Variants in MGAM2 observed in about 807,000 individuals in gnomAD.
The protein encoded by MGAM2 is maltase-glucoamylase 2 (putative).
A neutral mutation model predicts 96.1 loss-of-function variants in MGAM2; 98 were observed. That is an observed-to-expected ratio of 1.02 (90% CI 0.87 to 1.21). The LOEUF is 1.21. MGAM2 is among the 50% of genes most tolerant of loss of function. The probability of loss-of-function intolerance (pLI) is 0.00; values close to 1 mark genes in which losing one functional copy is unlikely to be tolerated. For missense variants in MGAM2, 2,055 were observed against 1,182.4 expected, an observed-to-expected ratio of 1.74 and a Z score of -10.82; for synonymous variants, 749 against 414.8, an observed-to-expected ratio of 1.81 and a Z score of -9.79.
At chr7:142,196,423 G>A (rs776231051) in intron 38 of MGAM2, 136 bp downstream of exon 38, 18 of 655,014 alleles carry the variant, frequency 2.7e-5, no homozygotes, top group Admixed American at 1.9e-4. Context: ...CTCTCTGGGC[G>A]TGGATTTTAA....
chr7:142,222,160 T>C lies in MGAM2; in HGVS notation c.*101T>C, dbSNP rs1317170994. 5 of 396,272 alleles carry C rather than the reference T, an allele frequency of 1.3e-5. No homozygotes were observed. In the East Asian group the frequency reaches 1.8e-4, roughly 14 times the overall value. The allele number at this position is 396,272 out of a possible 1,614,324, so 24.5% of individuals were successfully genotyped here. A position where few individuals can be genotyped will look rare whatever the true frequency, so the allele number is the denominator to read the frequency against. On this transcript the variant is annotated 3_prime_UTR_variant, in exon 48 of 48. Transcript: ENST00000477922. The stretch of plus-strand genomic sequence containing the variant: ...AGACACTCTATCTATCTTATGCTAC[T>C]TAAGTTTTCACGGATATTAGTACTC...
At position 142,120,317 on chromosome 7, in the gene MGAM2, C is replaced by T. The variant is rs1423508969; in HGVS notation, c.122C>T (p.Pro41Leu). The change falls in exon 3 of 48, where the codon CCA becomes CTA. Residue 41 changes from proline to leucine, a missense_variant. Transcript: ENST00000477922. ...TCCTATGCAGATACTTCATTTACTC[C>T]AGAGTGCCCAGAGATTCCCCAGTCG... Reference protein sequence around the residue: ...LEETSDTSFTPECPEIPQSER... With the variant: ...LEETSDTSFTLECPEIPQSER... The T allele has an allele frequency of 2.8e-6, 2 of 702,928 alleles. No individual in the cohort carries two copies. The highest frequency in any genetic ancestry group is 1.7e-5 in the African/African-American group (1 of 57,210). 43.5% of individuals were successfully genotyped at this position (702,928 alleles called of 1,614,324 possible).
At chr7:142,167,543 T>G in intron 26 of MGAM2, 57 bp downstream of exon 26, 2 of 698,558 alleles carry the variant, frequency 2.9e-6, no homozygotes, top group South Asian at 3.0e-5. Flanking sequence ...TTTACAGTGC[T>G]GTATGGATAG....
chr7:142,168,769 A>C (rs531753369), intron 26 of MGAM2, among the ~76,000 whole-genome samples: 1 of 152,212 alleles, frequency 6.6e-6, no homozygotes, highest in African/African-American at 2.4e-5. Flanking sequence ...ATTTTAACCA[A>C]TGCGCTAAAA....
chr7:142,143,686 G>A (rs867022757), intron 12 of MGAM2, 83 bp from the exon 13 acceptor site: 1 of 463,572 alleles, frequency 2.2e-6, no homozygotes, highest in Non-Finnish European at 3.9e-6. Context: ...GCAAAATGAG[G>A]CTCCTAGTAG....
Position 142,154,187 on chromosome 7 carries a change from A to G in MGAM2, c.1804A>G (p.Met602Val). 1 of 611,566 alleles carries G rather than the reference A, an allele frequency of 1.6e-6. No individual in the cohort carries two copies. Among genetic ancestry groups the G allele is most frequent in the South Asian group, 1.8e-5 (1 of 54,188 alleles). 37.9% of individuals were successfully genotyped at this position (611,566 alleles called of 1,614,324 possible). A position where few individuals can be genotyped will look rare whatever the true frequency, so the allele number is the denominator to read the frequency against. The change falls in exon 16 of 48, where the codon ATG (methionine) becomes GTG (valine). Residue 602 changes from methionine (M) to valine (V), a missense_variant and splice_region_variant. Coordinates refer to ENST00000477922, the MANE Select transcript of MGAM2 (RefSeq NM_001293626.2). ...ILEFNLFGIP[M>V]VGANICGYNN... is the part of the protein sequence containing the mutation. ...TGAGTTCAACCTGTTTGGCATCCCC[A>G]TGGTGAGCCTTATTTCCAACCAGGG... is the stretch of plus-strand genomic sequence containing the variant.
chr7:142,141,053 GC>G lies in MGAM2; in HGVS notation c.1254del (p.Tyr419IlefsTer6). The G allele has an allele frequency of 1.4e-6, 1 of 701,668 alleles. No homozygotes were observed. The highest frequency in any genetic ancestry group is 2.6e-6 in the Non-Finnish European group (1 of 384,460). 43.5% of individuals were successfully genotyped at this position (701,668 alleles called of 1,614,324 possible). ...GCATCTCCAAAAACTCTAACTACGA[GC>G]CCTATAATAATGGAAGCCTAAAGAG... Reference protein sequence around the residue: ...PGISKNSNYEPYNNGSLKRVW... With the variant: ...PGISKNSNYEXYNNGSLKRVW... On this transcript the variant is annotated frameshift_variant, in exon 12 of 48. Transcript: ENST00000477922. LOFTEE classifies it high-confidence loss of function.
intron 3 of MGAM2, among the ~76,000 whole-genome samples, chr7:142,123,963 C>CTTTTTTT (rs960655956): frequency 3.1e-5 from 3 of 98,114 alleles, no homozygotes; most frequent in African/African-American, 1.1e-4. Context: ...AGTCCAGAAA[C>CTTTTTTT]TTTTTTTTTT....
At chr7:142,136,087 C>T (rs1795052891) in intron 7 of MGAM2, among the ~76,000 whole-genome samples, 1 of 152,112 alleles carries the variant, frequency 6.6e-6, no homozygotes, top group Non-Finnish European at 1.5e-5. Flanking sequence ...CGTCATAATC[C>T]AGTTCTATAG....
intron 3 of MGAM2, among the ~76,000 whole-genome samples, chr7:142,120,920 A>G (rs1794550694): frequency 2.6e-5 from 4 of 152,234 alleles, no homozygotes; most frequent in Admixed American, 2.6e-4. Flanking sequence ...AGTAGCTTCC[A>G]TAAAATATCA....
chr7:142,164,130 T>G (rs1795964052), intron 23 of MGAM2, among the ~76,000 whole-genome samples: 1 of 152,194 alleles, frequency 6.6e-6, no homozygotes, highest in African/African-American at 2.4e-5. Context: ...CCCCAGCACC[T>G]TTGTTGAAAA....
intron 15 of MGAM2, among the ~76,000 whole-genome samples, 173 bp from the exon 16 acceptor site, chr7:142,153,826 TATGAGATCTGAAATCTTAC>T (rs1795654322): frequency 6.6e-6 from 1 of 152,254 alleles, no homozygotes; most frequent in African/African-American, 2.4e-5. Context: ...TACTGTCTTA[TATGAGATCTGAAATCTTAC>T]CCCAAAATGG....
chr7:142,133,298 G>T (rs1794961580), intron 6 of MGAM2, among the ~76,000 whole-genome samples: 2 of 143,412 alleles, frequency 1.4e-5, no homozygotes, highest in Middle Eastern at 4.5e-3. Flanking sequence ...TAAATATATA[G>T]TATATTTAAT....
In MGAM2 at chr7:142,199,787, T is replaced by C. The variant is rs1295093236; in HGVS notation, c.5049-93T>C. On this transcript the variant is annotated intron_variant, in intron 44 of 47. Transcript: ENST00000477922. Reference sequence around the variant, plus strand: ...ATGCATATTTAATACATTTCTTTTATTTCTAGATAAGTAATGTTTTTAACA... The same window carrying C: ...ATGCATATTTAATACATTTCTTTTACTTCTAGATAAGTAATGTTTTTAACA... 16 of 511,264 alleles carry C rather than the reference T, an allele frequency of 3.1e-5. No individual in the cohort carries two copies. In the East Asian group the frequency reaches 4.8e-4, roughly 15 times the overall value. 31.7% of individuals were successfully genotyped at this position (511,264 alleles called of 1,614,324 possible).
At position 142,158,046 on chromosome 7, in the gene MGAM2, A is replaced by G. The variant is rs7811706; in HGVS notation, c.2033A>G (p.His678Arg). 702,381 of 702,964 alleles carry G rather than the reference A, an allele frequency of 1. 350,901 individuals are homozygous for G. Among genetic ancestry groups the G allele is most frequent in the Middle Eastern group, 1 (4,370 of 4,370 alleles). The allele number at this position is 702,964 out of a possible 1,614,324, so 43.5% of individuals were successfully genotyped here. A position where few individuals can be genotyped will look rare whatever the true frequency, so the allele number is the denominator to read the frequency against. Residue 678 changes from histidine (H) to arginine (R), a missense_variant, in exon 18 of 48, where the codon CAT becomes CGT. His to Arg is a conservative substitution (Grantham distance 29). Coordinates refer to ENST00000477922, the MANE Select transcript of MGAM2 (RefSeq NM_001293626.2). ...LLPYLYTLFYHAHTRGETVAR... is the reference protein window; with the variant it reads ...LLPYLYTLFYRAHTRGETVAR... ...CCCTATCTCTATACCCTTTTCTACC[A>G]TGCTCACACCCGGGGAGAGACGGTA...
At chr7:142,203,281 T>G (rs1418475453) in intron 45 of MGAM2, among the ~76,000 whole-genome samples, 2 of 152,164 alleles carry the variant, frequency 1.3e-5, no homozygotes, top group Non-Finnish European at 2.9e-5. Flanking sequence ...GTAGTTTAAT[T>G]AAGTCCAACT....
Position 142,137,416 on chromosome 7 carries a change from CATT to C in MGAM2, c.848-14_848-12del, listed in dbSNP as rs1292787159. ...CCAACCATAAGATTCTAATTAATCT[CATT>C]ATAATTTTTTCAGAGGTTACCCTTC... On this transcript the variant is annotated splice_polypyrimidine_tract_variant and intron_variant, in intron 8 of 47. Transcript: ENST00000477922. 4 of 686,626 alleles carry C rather than the reference CATT, an allele frequency of 5.8e-6. No homozygotes were observed. Among genetic ancestry groups the C allele is most frequent in the Non-Finnish European group, 7.9e-6 (3 of 377,554 alleles). 42.5% of individuals were successfully genotyped at this position (686,626 alleles called of 1,614,324 possible).
chr7:142,187,858 A>G (rs958656144), intron 36 of MGAM2, 24 bp downstream of exon 36: 11 of 698,690 alleles, frequency 1.6e-5, no homozygotes, highest in Admixed American at 2.0e-5. Context: ...TTACTTCATC[A>G]ACTTACTTTC....
At chr7:142,156,001 T>C (rs1405914654) in intron 17 of MGAM2, among the ~76,000 whole-genome samples, 2 of 152,032 alleles carry the variant, frequency 1.3e-5, no homozygotes, top group Non-Finnish European at 2.9e-5. Flanking sequence ...CAAAATTAGC[T>C]GGGTGTGGTG....
Sources: allele counts gnomAD v4.1 joint callset (sites outside exome capture counted in the v4.1 genomes callset), GRCh38; gene constraint gnomAD v4.1.1; transcripts MANE v1.5; gene names NCBI Gene and HGNC (gene_info 2026-07-23, HGNC 2026-07-21).